The following EMID1 variants were observed in gnomAD, a reference collection of about 807,000 sequenced individuals.
EMID1 encodes the protein EMI domain containing 1.
Under a neutral mutation model 60.6 loss-of-function variants are expected in EMID1, and 40 were observed. The observed-to-expected ratio is 0.66, with a 90% CI of 0.51 to 0.86. The LOEUF is 0.86. Among genes scored for constraint, EMID1 ranks in the 40% least tolerant of loss-of-function variants. EMID1 has a pLI of 0.00. For synonymous variants in EMID1, 242 were observed against 231.0 expected (o/e 1.05, Z -0.43); for missense variants, 585 against 597.1 (o/e 0.98, Z 0.21).
intron 1 of EMID1, among the ~76,000 whole-genome samples, chr22:29,211,727 AG>A (rs2039891568): frequency 6.6e-6 from 1 of 152,216 alleles, no homozygotes; most frequent in African/African-American, 2.4e-5. Flanking sequence ...TTCTGTGTCC[AG>A]GGCCCCTTTC....
At chr22:29,242,787 T>C (rs2041198296) in intron 12 of EMID1, among the ~76,000 whole-genome samples, 7 of 152,226 alleles carry the variant, frequency 4.6e-5, no homozygotes, top group Admixed American at 4.6e-4. Context: ...AGATAGGGTC[T>C]TTCTTCCTAA....
intron 4 of EMID1, 43 bp from the exon 5 acceptor site, chr22:29,226,447 C>A (rs777481511): frequency 1.2e-6 from 2 of 1,603,680 alleles, no homozygotes; most frequent in Non-Finnish European, 1.7e-6. Context: ...GAGGGGAAGC[C>A]TAGGACCCTT....
At position 29,244,364 on chromosome 22, in the gene EMID1, G is replaced by A. The variant is rs1451277160; in HGVS notation, c.1119+875G>A. Among the ~76,000 whole-genome samples the A allele has an allele frequency of 2.0e-5, 3 of 152,140 alleles. No homozygotes were observed. The East Asian group carries it at 5.8e-4, about 29-fold the overall frequency. On this transcript the variant is annotated intron_variant, in intron 13 of 14. Transcript: ENST00000334018. ...CCAGCACTCTTGGAGGCCGAGGCGGGTAGATAACTTGAGGTCAGGAGTTTG... is the reference window on the plus strand; with the variant it reads ...CCAGCACTCTTGGAGGCCGAGGCGGATAGATAACTTGAGGTCAGGAGTTTG...
chr22:29,257,233 G>A (rs564638569), intron 14 of EMID1, among the ~76,000 whole-genome samples: 1 of 152,340 alleles, frequency 6.6e-6, no homozygotes, highest in East Asian at 1.9e-4. Flanking sequence ...GGACAGGGAA[G>A]GAGGTGGGAC....
chr22:29,227,462 T>C (rs901490483), intron 5 of EMID1, among the ~76,000 whole-genome samples: 2 of 151,822 alleles, frequency 1.3e-5, no homozygotes, highest in Non-Finnish European at 1.5e-5. Flanking sequence ...CTCCATACTT[T>C]AGGAGGCCGA....
intron 12 of EMID1, among the ~76,000 whole-genome samples, chr22:29,240,539 A>T (rs923216660): frequency 4.6e-5 from 7 of 151,892 alleles, no homozygotes; most frequent in Admixed American, 3.9e-4. Context: ...CTTGGATGGA[A>T]TCCAGGGCTC....
Position 29,215,521 on chromosome 22 carries a change from TTTCAGC to T in EMID1, c.216-4_217del. 6.2e-7 allele frequency: 1 copy of T among 1,613,592 alleles called. No homozygotes were observed. Among genetic ancestry groups the T allele is most frequent in the South Asian group, 1.1e-5 (1 of 91,062 alleles). On this transcript the variant is annotated splice_acceptor_variant and splice_polypyrimidine_tract_variant and coding_sequence_variant and intron_variant, in exon 3 of 15. Coordinates refer to ENST00000334018, the MANE Select transcript of EMID1 (RefSeq NM_133455.4). LOFTEE classifies it high-confidence loss of function. ...TCTCAGCTGGGCCACCTGGGGACTC[TTTCAGC>T]TACAGAACTGTGGTGAGACCCACAT...
chr22:29,245,928 A>G (rs1297352069), intron 13 of EMID1, among the ~76,000 whole-genome samples: 1 of 152,204 alleles, frequency 6.6e-6, no homozygotes, highest in Non-Finnish European at 1.5e-5. Context: ...CTCCATAGGC[A>G]CCAGACCTGG....
chr22:29,256,236 G>T (rs1365826862), intron 14 of EMID1, among the ~76,000 whole-genome samples: 1 of 152,056 alleles, frequency 6.6e-6, no homozygotes, highest in African/African-American at 2.4e-5. Flanking sequence ...ACTTTGGGAG[G>T]CCGAGGCGTA....
intron 8 of EMID1, chr22:29,233,071 G>A (rs532273616): frequency 2.7e-5 from 11 of 407,820 alleles, no homozygotes; most frequent in Non-Finnish European, 4.5e-5. Context: ...AGTAGGTGGT[G>A]GATAAATGGT....
At chr22:29,209,324 G>A (rs1479899583) in intron 1 of EMID1, among the ~76,000 whole-genome samples, 1 of 152,056 alleles carries the variant, frequency 6.6e-6, no homozygotes, top group Non-Finnish European at 1.5e-5. Flanking sequence ...GGTGCTGAGT[G>A]GGCAGAAGTG....
rs575098046 is a variant in EMID1 at position 29,249,861 on chromosome 22, C to T, written c.1120-4342C>T. On this transcript the variant is annotated intron_variant, in intron 13 of 14. Coordinates refer to ENST00000334018, the MANE Select transcript of EMID1 (RefSeq NM_133455.4). The stretch of plus-strand genomic sequence containing the variant: ...AACTCCTGATCTCAGTTGATCTGCC[C>T]GCCTCAGCCTCCCAAAGTGCTGGGA... Among the ~76,000 whole-genome samples, 16 of 152,074 alleles carry T rather than the reference C, an allele frequency of 1.1e-4. 1 individual carries two copies. The highest frequency in any genetic ancestry group is 2.1e-4 in the South Asian group (1 of 4,816).
intron 5 of EMID1, among the ~76,000 whole-genome samples, chr22:29,229,260 G>T (rs2040639145): frequency 6.6e-6 from 1 of 152,024 alleles, no homozygotes; most frequent in Admixed American, 6.6e-5. Context: ...GATCACTTGA[G>T]CTCAGACGGA....
rs748172215 is a variant in EMID1 at position 29,250,733 on chromosome 22, A to ATTT, written c.1120-3437_1120-3435dup. Among the ~76,000 whole-genome samples, 69 of 22,482 alleles carry ATTT rather than the reference A, an allele frequency of 3.1e-3. 7 individuals are homozygous for ATTT. Among genetic ancestry groups the ATTT allele is most frequent in the African/African-American group, 9.7e-3 (66 of 6,780 alleles). The allele number at this position is 22,482 out of a possible 152,430, so 14.7% of individuals were successfully genotyped here. A position where few individuals can be genotyped will look rare whatever the true frequency, so the allele number is the denominator to read the frequency against. Reference sequence around the variant, plus strand: ...AGGCATGCACCACCACACCCGGCTAATTTTTTTTTTTTTTTTTTTTTTTTT... The same window carrying ATTT: ...AGGCATGCACCACCACACCCGGCTAATTTTTTTTTTTTTTTTTTTTTTTTTTTT... On this transcript the variant is annotated intron_variant, in intron 13 of 14. Coordinates refer to ENST00000334018, the MANE Select transcript of EMID1 (RefSeq NM_133455.4).
At chr22:29,225,030 G>A (rs1385560606) in intron 3 of EMID1, 103 bp from the exon 4 acceptor site, 16 of 1,177,928 alleles carry the variant, frequency 1.4e-5, no homozygotes, top group Middle Eastern at 4.5e-4. Context: ...TGTGTCCTAC[G>A]CTGAGGGCAG....
chr22:29,231,618 C>A lies in EMID1; in HGVS notation c.612C>A (p.Pro204=). The A allele has an allele frequency of 1.3e-6, 2 of 1,520,070 alleles. No homozygotes were observed. The highest frequency in any genetic ancestry group is 1.8e-4 in the Middle Eastern group (1 of 5,480). 94.2% of individuals were successfully genotyped at this position (1,520,070 alleles called of 1,614,324 possible). A position where few individuals can be genotyped will look rare whatever the true frequency, so the allele number is the denominator to read the frequency against. The change falls in exon 7 of 15, where the codon CCC becomes CCA. Residue 204 remains proline (P), a synonymous_variant. Coordinates refer to ENST00000334018, the MANE Select transcript of EMID1 (RefSeq NM_133455.4). The part of the protein sequence containing the change: ...LQDQVGAWGL[P]GPTGPKGDAG... ...ACCAAGTCGGTGCTTGGGGGCTTCC[C>A]GGGCCCACCGGCCCCAAGGGAGATG...
chr22:29,250,033 A>G (rs1403530807), intron 13 of EMID1, among the ~76,000 whole-genome samples: 1 of 152,222 alleles, frequency 6.6e-6, no homozygotes, highest in Non-Finnish European at 1.5e-5. Context: ...TTTGAGCCCA[A>G]GAGTTTGAGA....
intron 3 of EMID1, among the ~76,000 whole-genome samples, chr22:29,217,711 G>A (rs989933419): frequency 6.6e-6 from 1 of 152,226 alleles, no homozygotes; most frequent in African/African-American, 2.4e-5. Flanking sequence ...TGGAGGAAAG[G>A]GAGGTGGGTG....
intron 14 of EMID1, 39 bp from the exon 15 acceptor site, chr22:29,258,778 C>T: frequency 6.2e-7 from 1 of 1,609,702 alleles, no homozygotes; most frequent in Non-Finnish European, 8.5e-7. Context: ...CTCACATGAA[C>T]CCCTCTAATG....
Sources: gnomAD v4.1 joint callset for allele counts (sites outside exome capture counted in the v4.1 genomes callset) on GRCh38, gnomAD v4.1.1 for gene constraint, MANE v1.5 for transcripts, NCBI Gene and HGNC (gene_info 2026-07-23, HGNC 2026-07-21) for gene names.